Variants in PTPRO observed in about 807,000 individuals in gnomAD.
PTPRO encodes receptor-type tyrosine-protein phosphatase O.
A neutral mutation model predicts 145.2 loss-of-function variants in PTPRO; 62 were observed. The observed-to-expected ratio is 0.43, with a 90% CI of 0.35 to 0.53. The LOEUF is 0.53. Among genes scored for constraint, PTPRO ranks in the 20% least tolerant of loss-of-function variants. The pLI is 0.01. For synonymous variants in PTPRO, 565 were observed against 514.7 expected (o/e 1.10, Z -1.32); for missense variants, 1,345 against 1,482.7 (o/e 0.91, Z 1.53).
chr12:15,438,596 C>A (rs1487821613), intron 1 of PTPRO, among the ~76,000 whole-genome samples: 1 of 151,480 alleles, frequency 6.6e-6, no homozygotes, highest in African/African-American at 2.4e-5. Flanking sequence ...CTGAACCAAG[C>A]AGAAGAAAGA....
chr12:15,547,093 A>C (rs1591713377), intron 13 of PTPRO, among the ~76,000 whole-genome samples: 3 of 152,352 alleles, frequency 2.0e-5, no homozygotes, highest in Middle Eastern at 6.8e-3. Context: ...TTGCCTTCAA[A>C]ACATTTTTAT....
rs1410858494 is a variant in PTPRO, at chr12:15,546,634, G to T, written c.2230G>T (p.Val744Leu). 6.2e-7 allele frequency: 1 copy of T among 1,613,822 alleles called. No individual in the cohort carries two copies. The highest frequency in any genetic ancestry group is 1.7e-5 in the Admixed American group (1 of 60,006). ...CCAGACTTCAGTGACTTTGCTGTGG[G>T]TGGAAGAGGGAGTAGCTGATTTCTT... ...KTQTSVTLLWVEEGVADFFEV... is the reference protein window; with the variant it reads ...KTQTSVTLLWLEEGVADFFEV... The change falls in exon 13 of 27, where the codon GTG becomes TTG. Residue 744 changes from valine (V) to leucine (L), a missense_variant. By Grantham distance (32) the Val-to-Leu change is conservative (BLOSUM62 1). Around this residue, in one of 3 missense-constraint regions of PTPRO, gnomAD observed 1,130 missense variants for 1,214.7 expected, o/e 0.93. Coordinates refer to ENST00000281171, the MANE Select transcript of PTPRO (RefSeq NM_030667.3).
At chr12:15,496,488 G>C (rs914563797) in intron 2 of PTPRO, among the ~76,000 whole-genome samples, 1 of 152,098 alleles carries the variant, frequency 6.6e-6, no homozygotes, top group Non-Finnish European at 1.5e-5. Flanking sequence ...CTGTTTAATA[G>C]CTTCTTTAGA....
At position 15,520,256 on chromosome 12, in the gene PTPRO, C is replaced by T. The variant is rs756493857; in HGVS notation, c.1835C>T (p.Thr612Met). ...WYYNFRVTMV[T>M]WGDPELSCCD... ...TACAACTTCCGGGTTACCATGGTGACGTGGGGAGATCCAGAATTGAGCTGC... is the reference window on the plus strand; with the variant it reads ...TACAACTTCCGGGTTACCATGGTGATGTGGGGAGATCCAGAATTGAGCTGC... Residue 612 changes from threonine to methionine, a missense_variant, in exon 10 of 27, where the codon ACG becomes ATG. This residue lies in a region of PTPRO where 1,130 missense variants were observed against 1,214.7 expected (regional missense o/e 0.93). Transcript: ENST00000281171. 1.9e-6 allele frequency: 3 copies of T among 1,613,840 alleles called. No individual in the cohort carries two copies. The highest frequency in any genetic ancestry group is 8.5e-7 in the Non-Finnish European group (1 of 1,179,838).
Position 15,322,719 on chromosome 12 carries a change from G to C in PTPRO, c.-8G>C, listed in dbSNP as rs372854549. Reference sequence around the variant, plus strand: ...CAGCCGTGCCCCCGAGTCCCCGTCCGCGCAGCGATGGGGCACCTGCCCACG... The same window carrying C: ...CAGCCGTGCCCCCGAGTCCCCGTCCCCGCAGCGATGGGGCACCTGCCCACG... On this transcript the variant is annotated 5_prime_UTR_variant, in exon 1 of 27. Transcript: ENST00000281171. The surrounding 1 kb of genome is among the most constrained non-coding windows in gnomAD (Gnocchi z 6.3). The C allele has an allele frequency of 1.9e-5, 30 of 1,610,126 alleles. No individual in the cohort carries two copies. The highest frequency in any genetic ancestry group is 2.4e-5 in the Non-Finnish European group (28 of 1,178,530).
At chr12:15,456,582 G>A (rs1347498288) in intron 1 of PTPRO, among the ~76,000 whole-genome samples, 1 of 152,132 alleles carries the variant, frequency 6.6e-6, no homozygotes, top group Non-Finnish European at 1.5e-5. Context: ...TGTTTGGTAG[G>A]AGTCACCATT....
chr12:15,420,148 G>GAA lies in PTPRO; in HGVS notation c.76-63804_76-63803dup, dbSNP rs35302259. Among the ~76,000 whole-genome samples, 218 of 81,590 alleles carry GAA rather than the reference G, an allele frequency of 2.7e-3. 1 individual carries two copies. The highest frequency in any genetic ancestry group is 4.9e-3 in the African/African-American group (95 of 19,504). 53.5% of individuals were successfully genotyped at this position (81,590 alleles called of 152,430 possible). On this transcript the variant is annotated intron_variant, in intron 1 of 26. Coordinates refer to ENST00000281171, the MANE Select transcript of PTPRO (RefSeq NM_030667.3). ...GGCGAAAGAGCGAGACTCCGACTCA[G>GAA]AAAAAAAAAAAAAAAAAAAAAAAGA...
At chr12:15,581,148 G>T (rs1365191809) in intron 22 of PTPRO, among the ~76,000 whole-genome samples, 1 of 152,114 alleles carries the variant, frequency 6.6e-6, no homozygotes, top group African/African-American at 2.4e-5. Context: ...GTGAATGCAT[G>T]GTGGTGGGTA....
chr12:15,552,566 A>T (rs1943493338), intron 15 of PTPRO, among the ~76,000 whole-genome samples: 1 of 152,164 alleles, frequency 6.6e-6, no homozygotes, highest in Admixed American at 6.5e-5. Context: ...TTACTTACCT[A>T]ACTGGATATA....
intron 1 of PTPRO, among the ~76,000 whole-genome samples, chr12:15,386,456 GCATATA>G (rs1350402292): frequency 6.6e-6 from 1 of 151,844 alleles, no homozygotes; most frequent in African/African-American, 2.4e-5. Context: ...AAACAAATAT[GCATATA>G]CATATACATA....
chr12:15,445,224 T>G (rs564384680), intron 1 of PTPRO, among the ~76,000 whole-genome samples: 7 of 152,162 alleles, frequency 4.6e-5, no homozygotes, highest in Non-Finnish European at 8.8e-5. Flanking sequence ...TTTCCTTTGT[T>G]GTTTATGTTT....
At chr12:15,518,263 A>G (rs1413432686) in intron 9 of PTPRO, among the ~76,000 whole-genome samples, 1 of 152,136 alleles carries the variant, frequency 6.6e-6, no homozygotes, top group Non-Finnish European at 1.5e-5. Flanking sequence ...CCTGATCTCT[A>G]CGTTGGCCCC....
intron 1 of PTPRO, among the ~76,000 whole-genome samples, chr12:15,468,272 T>C (rs979737510): frequency 6.6e-6 from 1 of 152,210 alleles, no homozygotes; most frequent in African/African-American, 2.4e-5. Flanking sequence ...ATAAAGTTTT[T>C]GCTTCTATTA....
At chr12:15,526,350 A>G in intron 12 of PTPRO, 88 bp downstream of exon 12, 4 of 1,552,526 alleles carry the variant, frequency 2.6e-6, no homozygotes, top group Non-Finnish European at 3.5e-6. Flanking sequence ...TCAATGAAAT[A>G]ATAACAGAAA....
chr12:15,466,922 T>C (rs924637519), intron 1 of PTPRO, among the ~76,000 whole-genome samples: 1 of 152,180 alleles, frequency 6.6e-6, no homozygotes, highest in Non-Finnish European at 1.5e-5. Context: ...GAGTGTAGAA[T>C]CTATGTTAAT....
intron 17 of PTPRO, 128 bp downstream of exon 17, chr12:15,560,404 A>G: frequency 2.8e-6 from 2 of 720,152 alleles, no homozygotes; most frequent in Non-Finnish European, 2.4e-6. Context: ...TTAATCATGT[A>G]TTGAAGTGAA....
At chr12:15,388,049 A>C (rs1461327701) in intron 1 of PTPRO, among the ~76,000 whole-genome samples, 2 of 152,184 alleles carry the variant, frequency 1.3e-5, no homozygotes, top group Non-Finnish European at 2.9e-5. Flanking sequence ...AACAATGCTC[A>C]TTATAGAACA....
chr12:15,436,688 A>G (rs569780264), intron 1 of PTPRO, among the ~76,000 whole-genome samples: 2 of 152,356 alleles, frequency 1.3e-5, no homozygotes, highest in Non-Finnish European at 2.9e-5. Flanking sequence ...GCCATTTTAA[A>G]TCTGGGTGCA....
chr12:15,464,068 A>T (rs1315438839), intron 1 of PTPRO, among the ~76,000 whole-genome samples: 1 of 152,222 alleles, frequency 6.6e-6, no homozygotes, highest in East Asian at 1.9e-4. Flanking sequence ...GAAATTTTAT[A>T]TACAGAACTA....
Sources: allele counts gnomAD v4.1 joint callset (sites outside exome capture counted in the v4.1 genomes callset), GRCh38; gene constraint gnomAD v4.1.1; regional missense constraint gnomAD v4.1.1; non-coding constraint Gnocchi (gnomAD v3.1); transcripts MANE v1.5; gene names NCBI Gene and HGNC (gene_info 2026-07-23, HGNC 2026-07-21).